The following RARB variants were observed in gnomAD, a reference collection of about 807,000 sequenced individuals.
The protein encoded by RARB is retinoic acid receptor beta, also known as HBV-activated protein.
In RARB, 17 loss-of-function variants were observed where a neutral mutation model predicts 51.9. The observed-to-expected ratio is 0.33, with a 90% CI of 0.22 to 0.49. The LOEUF is 0.49. Ranked by LOEUF, RARB falls within the 20% of genes least tolerant of loss-of-function variation. The pLI, the probability that RARB is intolerant of heterozygous loss-of-function variation, is 0.99. For synonymous variants in RARB, 215 were observed against 195.4 expected (o/e 1.10, Z -0.84); for missense variants, 369 against 550.8 (o/e 0.67, Z 3.30).
intron 5 of RARB, among the ~76,000 whole-genome samples, chr3:25,327,074 G>A (rs1400883997): frequency 1.3e-5 from 2 of 151,804 alleles, no homozygotes; most frequent in Non-Finnish European, 2.9e-5. Flanking sequence ...CCACCTATAA[G>A]TGAGAACATG....
chr3:24,926,642 G>A (rs1695327761), intron 2 of RARB, among the ~76,000 whole-genome samples: 1 of 152,002 alleles, frequency 6.6e-6, no homozygotes, highest in Non-Finnish European at 1.5e-5. Flanking sequence ...AGAAAGATGG[G>A]AAGTTGAGAG....
At chr3:25,499,203 G>A (rs564885566) in intron 2 of RARB, among the ~76,000 whole-genome samples, 19 of 152,278 alleles carry the variant, frequency 1.2e-4, no homozygotes, top group African/African-American at 4.3e-4. Flanking sequence ...AGCTTTGAAC[G>A]TTCTTAGCTC....
At chr3:25,555,046 C>T (rs944018324) in intron 3 of RARB, among the ~76,000 whole-genome samples, 1 of 152,138 alleles carries the variant, frequency 6.6e-6, no homozygotes, top group Non-Finnish European at 1.5e-5. Flanking sequence ...TGCCACATTG[C>T]GGATTAAGTT....
At chr3:25,257,174 T>C (rs1251266590) in intron 5 of RARB, among the ~76,000 whole-genome samples, 1 of 152,114 alleles carries the variant, frequency 6.6e-6, no homozygotes, top group Non-Finnish European at 1.5e-5. Flanking sequence ...AGTAATGTGG[T>C]ATGTCTGCTT....
intron 5 of RARB, among the ~76,000 whole-genome samples, chr3:25,356,210 T>C (rs1449652066): frequency 1.3e-5 from 2 of 152,144 alleles, no homozygotes; most frequent in Admixed American, 6.6e-5. Flanking sequence ...TTTAGAATCT[T>C]CTAGCCTAGT....
intron 2 of RARB, among the ~76,000 whole-genome samples, chr3:24,951,948 C>CGT (rs1346491855): frequency 3.3e-5 from 5 of 152,182 alleles, no homozygotes; most frequent in Non-Finnish European, 7.3e-5. Context: ...TTATAGGAAA[C>CGT]GTAATACACC....
chr3:25,069,860 C>T (rs1698733832), intron 3 of RARB, among the ~76,000 whole-genome samples: 1 of 152,166 alleles, frequency 6.6e-6, no homozygotes, highest in Non-Finnish European at 1.5e-5. Context: ...TAGGGGAGCC[C>T]ATCTGACCCA....
At chr3:24,942,857 T>A (rs1305984696) in intron 2 of RARB, among the ~76,000 whole-genome samples, 3 of 152,186 alleles carry the variant, frequency 2.0e-5, no homozygotes, top group Admixed American at 2.0e-4. Flanking sequence ...CACAAAATCA[T>A]CTAAAACCTG....
chr3:25,513,986 G>C (rs1215469868), intron 3 of RARB, among the ~76,000 whole-genome samples: 1 of 152,196 alleles, frequency 6.6e-6, no homozygotes, highest in Non-Finnish European at 1.5e-5. Flanking sequence ...CCAGCAAAGA[G>C]AGTTGGCTGA....
chr3:25,443,544 C>A lies in RARB; in HGVS notation c.157+14656C>A, dbSNP rs141294417. ...GGAGAATCGCTTAAAACCCGGGAGG[C>A]GGAGGTTGCAGTGAGCCAAGATTGC... On this transcript the variant is annotated intron_variant, in intron 1 of 7. Transcript: ENST00000330688. Among the ~76,000 whole-genome samples the A allele has an allele frequency of 2.0e-5, 3 of 151,180 alleles. No homozygotes were observed. The East Asian group carries it at 5.8e-4, about 29-fold the overall frequency.
intron 2 of RARB, among the ~76,000 whole-genome samples, chr3:25,047,805 GT>G (rs1205634836): frequency 1.3e-5 from 2 of 152,172 alleles, no homozygotes; most frequent in Non-Finnish European, 2.9e-5. Context: ...TATGCAGGTG[GT>G]TTTGCTTGTA....
intron 2 of RARB, among the ~76,000 whole-genome samples, chr3:24,888,886 G>A (rs1703317552): frequency 6.6e-6 from 1 of 152,188 alleles, no homozygotes; most frequent in Admixed American, 6.6e-5. Context: ...TGCTTCAACT[G>A]ACTGCATTTT....
chr3:25,027,571 C>T (rs1697775235), intron 2 of RARB, among the ~76,000 whole-genome samples: 1 of 151,936 alleles, frequency 6.6e-6, no homozygotes. Context: ...GAGTATCTAT[C>T]CCTCACATAT....
intron 3 of RARB, among the ~76,000 whole-genome samples, chr3:25,501,563 G>A (rs1371422626): frequency 6.6e-6 from 1 of 152,182 alleles, no homozygotes; most frequent in Admixed American, 6.5e-5. Context: ...CAAAGCAGTG[G>A]CTAACTCACT....
At chr3:25,092,313 T>C (rs116717000) in intron 3 of RARB, among the ~76,000 whole-genome samples, 5,502 of 152,266 alleles carry the variant, frequency 0.036, 149 homozygotes, top group Non-Finnish European at 0.053. Flanking sequence ...AAAATGCCTT[T>C]TTCTCTTAGT....
chr3:25,527,726 G>A (rs1274127782), intron 3 of RARB, among the ~76,000 whole-genome samples: 1 of 152,082 alleles, frequency 6.6e-6, no homozygotes, highest in African/African-American at 2.4e-5. Context: ...GATGCTCTTG[G>A]CATTCCTCTA....
intron 3 of RARB, among the ~76,000 whole-genome samples, chr3:25,104,785 C>G (rs1020557305): frequency 6.6e-6 from 1 of 152,202 alleles, no homozygotes; most frequent in Non-Finnish European, 1.5e-5. Flanking sequence ...TGAGAATGAA[C>G]AATGTGTAAC....
intron 5 of RARB, among the ~76,000 whole-genome samples, chr3:25,313,944 A>G (rs1430424754): frequency 6.6e-6 from 1 of 152,000 alleles, no homozygotes; most frequent in Admixed American, 6.6e-5. Context: ...GATGGTATGC[A>G]TCTGTAGCCT....
intron 5 of RARB, among the ~76,000 whole-genome samples, chr3:25,347,499 C>G (rs546669336): frequency 5.3e-5 from 8 of 152,160 alleles, no homozygotes; most frequent in Admixed American, 2.0e-4. Flanking sequence ...TTTAGGCACC[C>G]TTAGATTTTT....
Sources: gnomAD v4.1 joint callset for allele counts (sites outside exome capture counted in the v4.1 genomes callset) on GRCh38, gnomAD v4.1.1 for gene constraint, MANE v1.5 for transcripts, NCBI Gene and HGNC (gene_info 2026-07-23, HGNC 2026-07-21) for gene names.